LDLRAD4: variants seen among roughly 807,000 people sequenced by gnomAD.
LDLRAD4 encodes the protein low density lipoprotein receptor class A domain containing 4.
A neutral mutation model predicts 17.0 loss-of-function variants in LDLRAD4; 5 were observed. The ratio of observed to expected loss-of-function variants is 0.29; its 90% CI spans 0.15 to 0.62. The LOEUF (loss-of-function observed/expected upper bound fraction) is 0.62, where lower values mean the gene tolerates loss of function less well. Ranked by LOEUF, LDLRAD4 falls within the 20% of genes least tolerant of loss-of-function variation. The pLI is 0.84. For synonymous variants in LDLRAD4, 168 were observed against 171.8 expected, an observed-to-expected ratio of 0.98 and a Z score of 0.17; for missense variants, 340 against 424.7, an observed-to-expected ratio of 0.80 and a Z score of 1.75.
rs550271097 is a variant in LDLRAD4 at position 13,367,895 on chromosome 18, G to T, written c.-382-19446G>T. Reference sequence around the variant, plus strand: ...GGGACGACTGGGCATGGGGGCGTGTGCCTGTGGTCACAGCTACTCAGGAGG... The same window carrying T: ...GGGACGACTGGGCATGGGGGCGTGTTCCTGTGGTCACAGCTACTCAGGAGG... On this transcript the variant is annotated intron_variant, in intron 1 of 5. Transcript: ENST00000359446. This position sits in a 1 kb window ranked among gnomAD's most constrained non-coding sequence, Gnocchi z 4.1. Among the ~76,000 whole-genome samples the T allele has an allele frequency of 1.6e-3, 245 of 152,154 alleles. 2 individuals carry two copies. The highest frequency in any genetic ancestry group is 5.7e-3 in the African/African-American group (236 of 41,520).
chr18:13,283,039 C>G (rs552189382), intron 1 of LDLRAD4, among the ~76,000 whole-genome samples: 3 of 152,228 alleles, frequency 2.0e-5, no homozygotes, highest in African/African-American at 7.2e-5. Context: ...TCAGCCACTT[C>G]TGGTGTGGCT....
intron 3 of LDLRAD4, chr18:13,612,226 A>C (rs1372727125): frequency 3.0e-6 from 3 of 992,250 alleles, no homozygotes; most frequent in South Asian, 4.6e-5. Context: ...TGAGCCGTCT[A>C]GCTGCGTTCT....
intron 3 of LDLRAD4, among the ~76,000 whole-genome samples, chr18:13,604,468 G>A (rs2095200349): frequency 6.6e-6 from 1 of 152,200 alleles, no homozygotes; most frequent in Non-Finnish European, 1.5e-5. Flanking sequence ...CTGGATTAAG[G>A]AGCTAATGAA....
intron 3 of LDLRAD4, among the ~76,000 whole-genome samples, chr18:13,448,179 C>T (rs1357117143): frequency 3.9e-5 from 6 of 152,156 alleles, no homozygotes; most frequent in African/African-American, 9.7e-5. Context: ...CTTCAAAGGC[C>T]GGAGAGGAGC....
chr18:13,533,986 C>A (rs757048372), intron 3 of LDLRAD4, among the ~76,000 whole-genome samples: 2 of 152,146 alleles, frequency 1.3e-5, no homozygotes, highest in Non-Finnish European at 2.9e-5. Context: ...CTTGCCTTCC[C>A]ATTAAGCCCC....
At chr18:13,342,477 C>CTTTTTTTTTTTTTTTTTTTTTT (rs10706515) in intron 1 of LDLRAD4, among the ~76,000 whole-genome samples, 1 of 38,668 alleles carries the variant, frequency 2.6e-5, no homozygotes, top group Non-Finnish European at 4.7e-5. Flanking sequence ...GCCTTCCTGT[C>CTTTTTTTTTTTTTTTTTTTTTT]TTTTTTTTTT....
At chr18:13,641,350 T>C (rs2042536009) in intron 4 of LDLRAD4, among the ~76,000 whole-genome samples, 1 of 152,110 alleles carries the variant, frequency 6.6e-6, no homozygotes, top group African/African-American at 2.4e-5. Context: ...CTAGATTGCT[T>C]GATGAATGGA....
chr18:13,427,653 G>C (rs2090045402), intron 2 of LDLRAD4, among the ~76,000 whole-genome samples: 1 of 152,220 alleles, frequency 6.6e-6, no homozygotes, highest in African/African-American at 2.4e-5. Context: ...AGCACAGCCA[G>C]ATGACTGGGT....
At chr18:13,492,536 C>G (rs2093380571) in intron 3 of LDLRAD4, among the ~76,000 whole-genome samples, 1 of 152,172 alleles carries the variant, frequency 6.6e-6, no homozygotes, top group African/African-American at 2.4e-5. Context: ...CTTCTCCAGC[C>G]CCGTAGAACG....
intron 1 of LDLRAD4, among the ~76,000 whole-genome samples, chr18:13,262,952 G>A (rs1598974536): frequency 8.3e-6 from 1 of 120,610 alleles, no homozygotes; most frequent in African/African-American, 3.2e-5. Context: ...GTGCGTGGGG[G>A]CTGAGTCCCG....
chr18:13,405,187 G>A (rs1184981423), intron 2 of LDLRAD4, among the ~76,000 whole-genome samples: 1 of 151,926 alleles, frequency 6.6e-6, no homozygotes, highest in African/African-American at 2.4e-5. Context: ...CATGGGTCAG[G>A]TGCTGTGCTG....
chr18:13,505,545 C>T (rs1428903457), intron 3 of LDLRAD4, among the ~76,000 whole-genome samples: 1 of 152,172 alleles, frequency 6.6e-6, no homozygotes, highest in African/African-American at 2.4e-5. Flanking sequence ...CCTTGCCAGG[C>T]ACGGTGGCTC....
intron 1 of LDLRAD4, among the ~76,000 whole-genome samples, chr18:13,386,616 C>G (rs531931339): frequency 6.6e-6 from 1 of 152,128 alleles, no homozygotes; most frequent in South Asian, 2.1e-4. Flanking sequence ...GTGATCCTCC[C>G]GCCTCGGCCT....
intron 3 of LDLRAD4, among the ~76,000 whole-genome samples, chr18:13,569,360 A>G (rs573691582): frequency 6.6e-5 from 10 of 152,364 alleles, no homozygotes; most frequent in African/African-American, 1.9e-4. Flanking sequence ...TCTTGTCTCT[A>G]TAGAAAAACT....
intron 1 of LDLRAD4, among the ~76,000 whole-genome samples, chr18:13,283,378 C>T (rs541062917): frequency 6.6e-6 from 1 of 152,332 alleles, no homozygotes; most frequent in East Asian, 1.9e-4. Flanking sequence ...ACCCAAGTCA[C>T]CTTTGGATGC....
At chr18:13,385,424 A>G (rs915846371) in intron 1 of LDLRAD4, among the ~76,000 whole-genome samples, 1 of 152,158 alleles carries the variant, frequency 6.6e-6, no homozygotes, top group African/African-American at 2.4e-5. Flanking sequence ...CTCCCAGTCT[A>G]TCGGTTGTCT....
chr18:13,554,604 C>T (rs1317689704), intron 3 of LDLRAD4, among the ~76,000 whole-genome samples: 1 of 152,110 alleles, frequency 6.6e-6, no homozygotes, highest in Non-Finnish European at 1.5e-5. Flanking sequence ...CATTCTCAAA[C>T]AGATCTTCAC....
At chr18:13,643,910 G>A (rs911685999) in intron 5 of LDLRAD4, among the ~76,000 whole-genome samples, 37 of 151,926 alleles carry the variant, frequency 2.4e-4, no homozygotes, top group African/African-American at 8.2e-4. Context: ...GCATATATGC[G>A]TGTGTGTGTG....
chr18:13,575,073 T>C (rs1568359246), intron 3 of LDLRAD4, among the ~76,000 whole-genome samples: 1 of 152,282 alleles, frequency 6.6e-6, no homozygotes, highest in African/African-American at 2.4e-5. Flanking sequence ...GTTTGTTTTT[T>C]ATTTTAATTT....
Sources: allele counts gnomAD v4.1 joint callset (sites outside exome capture counted in the v4.1 genomes callset), GRCh38; gene constraint gnomAD v4.1.1; non-coding constraint Gnocchi (gnomAD v3.1); transcripts MANE v1.5; gene names NCBI Gene and HGNC (gene_info 2026-07-23, HGNC 2026-07-21).